Variants in NCOR1 observed in about 807,000 individuals in gnomAD.
The protein encoded by NCOR1 is nuclear receptor corepressor 1.
A neutral mutation model predicts 288.1 loss-of-function variants in NCOR1; 63 were observed. That is an observed-to-expected ratio of 0.22 (90% CI 0.18 to 0.27). The LOEUF is 0.27. NCOR1 is among the 10% of genes least tolerant of loss of function. The probability of loss-of-function intolerance (pLI) is 1.00; values close to 1 mark genes in which losing one functional copy is unlikely to be tolerated. For missense variants in NCOR1, 2,397 were observed against 3,019.2 expected (o/e 0.79, Z 4.83); for synonymous variants, 1,007 against 1,065.9 (o/e 0.94, Z 1.08).
Position 16,048,897 on chromosome 17 carries a change from G to C in NCOR1, c.6484C>G (p.Gln2162Glu). ...TGAGACAAGAGCAGCAAGCTGTCCTGTTTCTCATGCACAACCGGAACCTGG... is the reference window on the plus strand; with the variant it reads ...TGAGACAAGAGCAGCAAGCTGTCCTCTTTCTCATGCACAACCGGAACCTGG... ...PPQVPVVHEK[Q>E]DSLLLLSQRG... is the part of the protein sequence containing the mutation. Residue 2162 changes from glutamine (Q) to glutamate (E), a missense_variant, in exon 41 of 46, where the codon CAG becomes GAG. Gln to Glu is a conservative substitution (Grantham distance 29). Around this residue, in one of 11 missense-constraint regions of NCOR1, gnomAD observed 1,872 missense variants for 2,187.8 expected, o/e 0.86. Transcript: ENST00000268712. 3 of 1,613,996 alleles carry C rather than the reference G, an allele frequency of 1.9e-6. No individual in the cohort carries two copies. The highest frequency in any genetic ancestry group is 2.5e-6 in the Non-Finnish European group (3 of 1,179,914).
At chr17:16,110,647 G>A (rs947821159) in intron 18 of NCOR1, among the ~76,000 whole-genome samples, 9 of 152,132 alleles carry the variant, frequency 5.9e-5, no homozygotes, top group South Asian at 2.1e-4. Flanking sequence ...CAGAGCCTAC[G>A]TTTCACCTCA....
intron 21 of NCOR1, among the ~76,000 whole-genome samples, chr17:16,096,369 A>C (rs56961021): frequency 0.023 from 3,571 of 152,310 alleles, 140 homozygotes; most frequent in African/African-American, 0.081. Flanking sequence ...AAATGAGTCA[A>C]ATTTTACAGA....
chr17:16,121,191 C>T lies in NCOR1; in HGVS notation c.1713G>A (p.Gly571=). The change falls in exon 16 of 46, where the codon GGG becomes GGA. Residue 571 remains glycine, a synonymous_variant. Coordinates refer to ENST00000268712, the MANE Select transcript of NCOR1 (RefSeq NM_006311.4). The stretch of plus-strand genomic sequence containing the variant: ...GGCCCTGACTGTTGGCAGTCTTTCG[C>T]CCCCGGGGTGTGGCTTGCTCTCTTT... The part of the protein sequence containing the change: ...TEEREQATPR[G]RKTANSQGRR... 6.2e-7 allele frequency: 1 copy of T among 1,614,006 alleles called. No individual in the cohort carries two copies.
Position 16,098,370 on chromosome 17 carries a change from T to G in NCOR1, c.2817A>C (p.Pro939=). The G allele has an allele frequency of 6.2e-7, 1 of 1,613,360 alleles. No homozygotes were observed. The highest frequency in any genetic ancestry group is 1.3e-5 in the African/African-American group (1 of 74,992). The change falls in exon 21 of 46, where the codon CCA becomes CCC. Residue 939 remains proline (P), a synonymous_variant. Coordinates refer to ENST00000268712, the MANE Select transcript of NCOR1 (RefSeq NM_006311.4). ...QLQHRAAVIP[P]MVSCTPCNIP... ...CTTCCTCACAATAAAAACTTACCATTGGTGGGATAACAGCAGCTCGATGCT... is the reference window on the plus strand; with the variant it reads ...CTTCCTCACAATAAAAACTTACCATGGGTGGGATAACAGCAGCTCGATGCT...
At chr17:16,201,819 G>A (rs527462292) in intron 1 of NCOR1, among the ~76,000 whole-genome samples, 3 of 152,320 alleles carry the variant, frequency 2.0e-5, no homozygotes, top group African/African-American at 7.2e-5. Context: ...GCCAAGCGCG[G>A]TGGCTCACGT....
intron 6 of NCOR1, among the ~76,000 whole-genome samples, chr17:16,157,085 A>T (rs1432421072): frequency 6.6e-6 from 1 of 151,988 alleles, no homozygotes; most frequent in Non-Finnish European, 1.5e-5. Flanking sequence ...CATGGAGCCC[A>T]TGAGCCCACA....
chr17:16,181,712 T>C (rs931622269), intron 3 of NCOR1, among the ~76,000 whole-genome samples: 2 of 152,186 alleles, frequency 1.3e-5, no homozygotes, highest in African/African-American at 4.8e-5. Flanking sequence ...AAATTTATTT[T>C]AATATGTAAA....
chr17:16,075,641 G>A lies in NCOR1; in HGVS notation c.3563C>T (p.Ser1188Leu), dbSNP rs779823128. The change falls in exon 27 of 46, where the codon TCG (serine) becomes TTG (leucine). Residue 1188 changes from serine (S) to leucine (L), a missense_variant. Transcript: ENST00000268712. The part of the protein sequence containing the change: ...PTEALVKGSI[S>L]RMPIEDSSPE... ...ACTGCTGTCTTCAATGGGCATTCTCGAAATGGACCCCTTCACCAAAGCCTC... is the reference window on the plus strand; with the variant it reads ...ACTGCTGTCTTCAATGGGCATTCTCAAAATGGACCCCTTCACCAAAGCCTC... The A allele has an allele frequency of 3.0e-5, 48 of 1,614,000 alleles. No individual in the cohort carries two copies. Among genetic ancestry groups the A allele is most frequent in the Non-Finnish European group, 3.8e-5 (45 of 1,180,030 alleles).
rs1382628123 is a variant in NCOR1 at position 16,146,488 on chromosome 17, T to C, written c.970A>G (p.Arg324Gly). Reference protein sequence around the residue: ...LMEAWEKKVDRIENNPRRKAK... With the variant: ...LMEAWEKKVDGIENNPRRKAK... ...TTCCTCCGAGGATTATTTTCTATTC[T>C]GTCCACTTTTTTCTCCCATGCCTCC... The change falls in exon 10 of 46, where the codon AGA (arginine) becomes GGA (glycine). Residue 324 changes from arginine to glycine, a missense_variant. Physicochemically the swap from Arg to Gly is moderately radical, Grantham distance 125 (BLOSUM62 -2). Transcript: ENST00000268712. 5 of 1,613,574 alleles carry C rather than the reference T, an allele frequency of 3.1e-6. No individual in the cohort carries two copies. Among genetic ancestry groups the C allele is most frequent in the Non-Finnish European group, 4.2e-6 (5 of 1,179,876 alleles).
At chr17:16,092,156 T>C (rs975431601) in intron 21 of NCOR1, 98 bp from the exon 22 acceptor site, 1 of 1,370,826 alleles carries the variant, frequency 7.3e-7, no homozygotes, top group Non-Finnish European at 1.0e-6. Flanking sequence ...ATGTTATTGG[T>C]TGAATTGATT....
At chr17:16,052,621 C>A (rs2059450188) in intron 40 of NCOR1, among the ~76,000 whole-genome samples, 1 of 152,092 alleles carries the variant, frequency 6.6e-6, no homozygotes, top group Non-Finnish European at 1.5e-5. Context: ...TAGCCTACCA[C>A]CCAAAAAAAG....
intron 37 of NCOR1, among the ~76,000 whole-genome samples, chr17:16,059,795 C>G (rs371610642): frequency 1.3e-5 from 2 of 152,186 alleles, no homozygotes; most frequent in African/African-American, 2.4e-5. Context: ...CCACCACCTG[C>G]TCCTCTGGTA....
In NCOR1 at chr17:16,170,794, T is replaced by C. The variant is rs535399459; in HGVS notation, c.435+1009A>G. 1.8e-4 allele frequency among the ~76,000 whole-genome samples: 27 copies of C among 146,820 alleles called. 1 individual carries two copies. The South Asian group carries it at 4.9e-3, about 27-fold the overall frequency. On this transcript the variant is annotated intron_variant, in intron 4 of 45. Coordinates refer to ENST00000268712, the MANE Select transcript of NCOR1 (RefSeq NM_006311.4). ...AGGCGGAGATTGCAGTGAGCCAAGA[T>C]CGCGCCACTGCACTCCAGCCTGGGG...
chr17:16,059,614 C>A (rs2060328115), intron 37 of NCOR1, among the ~76,000 whole-genome samples: 1 of 152,206 alleles, frequency 6.6e-6, no homozygotes, highest in Non-Finnish European at 1.5e-5. Context: ...AGCCTCAGAG[C>A]TGACAGTTGG....
At chr17:16,087,037 CG>C (rs2064347311) in intron 22 of NCOR1, 1 of 577,924 alleles carries the variant, frequency 1.7e-6, no homozygotes, top group African/African-American at 2.0e-5. Flanking sequence ...GATGATGGAA[CG>C]CAGAGAAACA....
In NCOR1 at chr17:16,117,836, A is replaced by C. The variant is rs988411612; in HGVS notation, c.2055+52T>G. 9.6e-6 allele frequency: 15 copies of C among 1,568,452 alleles called. No individual in the cohort carries two copies. In the African/African-American group the frequency reaches 1.5e-4, roughly 16 times the overall value. ...GACTCCATCTCAAACAACAACAACA[A>C]CACTCTAAGTAAAAAACAGTAAGTA... is the stretch of plus-strand genomic sequence containing the variant. On this transcript the variant is annotated intron_variant, in intron 18 of 45. Transcript: ENST00000268712.
At chr17:16,180,574 C>T (rs1011320955) in intron 3 of NCOR1, among the ~76,000 whole-genome samples, 1 of 151,100 alleles carries the variant, frequency 6.6e-6, no homozygotes, top group Non-Finnish European at 1.5e-5. Flanking sequence ...ATAGTGAGAC[C>T]CTATCTCTAC....
intron 12 of NCOR1, 76 bp from the exon 13 acceptor site, chr17:16,138,288 G>T: frequency 7.7e-7 from 1 of 1,304,602 alleles, no homozygotes; most frequent in Non-Finnish European, 1.1e-6. Context: ...CTTGGGAAAA[G>T]AAAGACTATG....
At chr17:16,125,491 T>A (rs1430763797) in intron 15 of NCOR1, among the ~76,000 whole-genome samples, 1 of 151,878 alleles carries the variant, frequency 6.6e-6, no homozygotes, top group African/African-American at 2.4e-5. Flanking sequence ...GATCACGAGG[T>A]CAGGAGATGG....
Sources: allele counts gnomAD v4.1 joint callset (sites outside exome capture counted in the v4.1 genomes callset), GRCh38; gene constraint gnomAD v4.1.1; regional missense constraint gnomAD v4.1.1; transcripts MANE v1.5; gene names NCBI Gene and HGNC (gene_info 2026-07-23, HGNC 2026-07-21).